DISP3: variants seen among roughly 807,000 people sequenced by gnomAD.
The protein encoded by DISP3 is dispatched RND transporter family member 3.
A neutral mutation model predicts 135.3 loss-of-function variants in DISP3; 101 were observed. That is an observed-to-expected ratio of 0.75 (90% CI 0.64 to 0.88). The LOEUF (loss-of-function observed/expected upper bound fraction) is 0.88. Among genes scored for constraint, DISP3 ranks in the 40% least tolerant of loss-of-function variants. DISP3 has a pLI of 0.00. For missense variants in DISP3, 1,713 were observed against 1,878.6 expected (o/e 0.91, Z 1.63); for synonymous variants, 856 against 817.0 (o/e 1.05, Z -0.81).
chr1:11,508,566 CA>C (rs780653964), intron 3 of DISP3, among the ~76,000 whole-genome samples: 18 of 151,938 alleles, frequency 1.2e-4, no homozygotes, highest in Non-Finnish European at 2.4e-4. Flanking sequence ...AGAAGCTTAT[CA>C]GTTTTATTGA....
In DISP3 at chr1:11,531,692, C is replaced by T. The variant is rs774307552; in HGVS notation, c.3357C>T (p.Ile1119=). 30 of 1,606,700 alleles carry T rather than the reference C, an allele frequency of 1.9e-5. No individual in the cohort carries two copies. Among genetic ancestry groups the T allele is most frequent in the Non-Finnish European group, 2.5e-5 (29 of 1,176,018 alleles). ...VGVREGRVQW[I]SMAFESTTYK... is the part of the protein sequence containing the mutation. ...TCAGGGAGGGCCGCGTGCAGTGGAT[C>T]TCCATGGCTTTCGAGTCGGTGAGCC... is the stretch of plus-strand genomic sequence containing the variant. Residue 1119 remains isoleucine, a synonymous_variant, in exon 17 of 21, where the codon ATC becomes ATT. Transcript: ENST00000294484. This position sits in a 1 kb window ranked among gnomAD's most constrained non-coding sequence, Gnocchi z 5.2.
rs914570631 is a variant in DISP3, at chr1:11,480,455, G to A, written c.-4+1083G>A. ...GCGCACACAATCCACGCAGACCCAC[G>A]GTTCACACGCACGTGGGCGGACAGA... On this transcript the variant is annotated intron_variant, in intron 1 of 20. Transcript: ENST00000294484. Among the ~76,000 whole-genome samples, 3 of 152,136 alleles carry A rather than the reference G, an allele frequency of 2.0e-5. No homozygotes were observed. The South Asian group carries it at 6.2e-4, about 32-fold the overall frequency.
At chr1:11,515,528 A>G in intron 5 of DISP3, 25 bp downstream of exon 5, 1 of 1,575,372 alleles carries the variant, frequency 6.3e-7, no homozygotes, top group Non-Finnish European at 8.6e-7. Flanking sequence ...TTGTCATGGC[A>G]GTGCGCCTCC....
At chr1:11,526,938 C>G (rs1364749839) in intron 13 of DISP3, 103 bp downstream of exon 13, 2 of 1,360,096 alleles carry the variant, frequency 1.5e-6, no homozygotes, top group Non-Finnish European at 1.9e-6. Context: ...CCAGCAGGCC[C>G]CCTCACTTTT....
At position 11,531,292 on chromosome 1, in the gene DISP3, C is replaced by T. The variant is rs535732469; in HGVS notation, c.3229+259C>T. ...TGTGTGTGGGATGGGGGCACATCTG[C>T]GGGAGTAGCTTTTCCAAAATTAGGG... On this transcript the variant is annotated intron_variant, in intron 16 of 20. Transcript: ENST00000294484. The surrounding 1 kb of genome is among the most constrained non-coding windows in gnomAD (Gnocchi z 5.2). 4.6e-5 allele frequency among the ~76,000 whole-genome samples: 7 copies of T among 152,202 alleles called. 1 individual carries two copies. In the South Asian group the frequency reaches 1.2e-3, roughly 27 times the overall value.
chr1:11,486,827 A>G (rs1201022480), intron 1 of DISP3, among the ~76,000 whole-genome samples: 1 of 152,058 alleles, frequency 6.6e-6, no homozygotes, highest in Non-Finnish European at 1.5e-5. Flanking sequence ...ACGGGTGCGC[A>G]TGACCACGCG....
chr1:11,518,420 C>T (rs1300388340), intron 7 of DISP3, among the ~76,000 whole-genome samples: 1 of 152,234 alleles, frequency 6.6e-6, no homozygotes, highest in Admixed American at 6.5e-5. Context: ...GTTGGCACTG[C>T]ACACAGGTGC....
intron 17 of DISP3, chr1:11,533,851 A>G (rs1642638742): frequency 2.8e-6 from 2 of 717,562 alleles, no homozygotes; most frequent in African/African-American, 1.7e-5. Flanking sequence ...TCTCTCATTC[A>G]TCATCCATGA....
intron 10 of DISP3, among the ~76,000 whole-genome samples, chr1:11,523,555 CAG>C (rs377237673): frequency 9.5e-4 from 121 of 126,758 alleles, no homozygotes; most frequent in East Asian, 3.4e-3. Context: ...CAGAGTGGCA[CAG>C]AGAGGGCGAG....
At chr1:11,522,603 C>G (rs113618979) in intron 10 of DISP3, among the ~76,000 whole-genome samples, 10 of 105,602 alleles carry the variant, frequency 9.5e-5, no homozygotes, top group South Asian at 3.0e-4. Context: ...AGGACCCAGC[C>G]AGAGCCCAGC....
chr1:11,535,649 G>T lies in DISP3; in HGVS notation c.3816+5G>T. On this transcript the variant is annotated splice_donor_5th_base_variant and intron_variant, in intron 20 of 20. Transcript: ENST00000294484. ...CTGCCCCCCCACCAGGCCGAGGTGC[G>T]CACCCTGCCCGCCTTACCCACTTCC... is the stretch of plus-strand genomic sequence containing the variant. 2 of 1,608,736 alleles carry T rather than the reference G, an allele frequency of 1.2e-6. No individual in the cohort carries two copies. The highest frequency in any genetic ancestry group is 8.5e-7 in the Non-Finnish European group (1 of 1,178,542).
intron 1 of DISP3, among the ~76,000 whole-genome samples, chr1:11,498,025 T>TG (rs1322800120): frequency 6.6e-6 from 1 of 152,168 alleles, no homozygotes; most frequent in Non-Finnish European, 1.5e-5. Flanking sequence ...TACCCGCCTG[T>TG]GGGGCTCTCA....
At position 11,536,522 on chromosome 1, in the gene DISP3, G is replaced by T. The variant is rs372266249; in HGVS notation, c.4015G>T (p.Ala1339Ser). The change falls in exon 21 of 21, where the codon GCC (alanine) becomes TCC (serine). Residue 1339 changes from alanine (A) to serine (S), a missense_variant. Physicochemically the swap from Ala to Ser is moderately conservative, Grantham distance 99. Around this residue, in one of 2 missense-constraint regions of DISP3, gnomAD observed 1,142 missense variants for 1,384.6 expected, o/e 0.82. Coordinates refer to ENST00000294484, the MANE Select transcript of DISP3 (RefSeq NM_020780.2). The surrounding 1 kb of genome is among the most constrained non-coding windows in gnomAD (Gnocchi z 4.3). ...SILYTLTVST[A>S]LLGIMAPSSF... The stretch of plus-strand genomic sequence containing the variant: ...CCTCTACACGCTGACCGTCAGCACC[G>T]CCCTGCTGGGCATCATGGCGCCCAG... 1 of 1,613,006 alleles carries T rather than the reference G, an allele frequency of 6.2e-7. No individual in the cohort carries two copies. The highest frequency in any genetic ancestry group is 8.5e-7 in the Non-Finnish European group (1 of 1,179,974).
chr1:11,535,632 C>T lies in DISP3; in HGVS notation c.3804C>T (p.Pro1268=), dbSNP rs1039143602. The T allele has an allele frequency of 1.2e-6, 2 of 1,612,148 alleles. No homozygotes were observed. Among genetic ancestry groups the T allele is most frequent in the Non-Finnish European group, 1.7e-6 (2 of 1,179,684 alleles). The change falls in exon 20 of 21, where the codon CCC becomes CCT. Residue 1268 remains proline, a synonymous_variant. Transcript: ENST00000294484. ...TGCTGGCTGGAGAGAACCTGCCCCC[C>T]CACCAGGCCGAGGTGCGCACCCTGC... ...GYLLAGENLP[P]HQAEDARTQR...
chr1:11,531,740 TG>T lies in DISP3; in HGVS notation c.3375+31del. The stretch of plus-strand genomic sequence containing the variant: ...GCCCAGGCAGCCTCACTGGGTGCCA[TG>T]CTGCGTACTTGCCCGGGGTGTGCCA... On this transcript the variant is annotated intron_variant, in intron 17 of 20. Coordinates refer to ENST00000294484, the MANE Select transcript of DISP3 (RefSeq NM_020780.2). This position sits in a 1 kb window ranked among gnomAD's most constrained non-coding sequence, Gnocchi z 5.2. The T allele has an allele frequency of 6.4e-7, 1 of 1,567,072 alleles. No homozygotes were observed. Among genetic ancestry groups the T allele is most frequent in the South Asian group, 1.2e-5 (1 of 82,688 alleles).
intron 3 of DISP3, among the ~76,000 whole-genome samples, chr1:11,503,202 A>G (rs1641602349): frequency 6.6e-6 from 1 of 152,178 alleles, no homozygotes; most frequent in Non-Finnish European, 1.5e-5. Context: ...TTCTGGAAAG[A>G]GTATTGGCCA....
chr1:11,504,927 G>T (rs1057104609), intron 3 of DISP3, among the ~76,000 whole-genome samples: 8 of 152,278 alleles, frequency 5.3e-5, no homozygotes, highest in African/African-American at 1.9e-4. Context: ...CTTAAGGGAG[G>T]CAGGAAAGAG....
intron 10 of DISP3, among the ~76,000 whole-genome samples, chr1:11,523,565 G>A (rs1309954101): frequency 1.5e-5 from 2 of 133,052 alleles, no homozygotes; most frequent in African/African-American, 2.9e-5. Flanking sequence ...CAGAGAGGGC[G>A]AGCAGGGGGC....
intron 11 of DISP3, 83 bp from the exon 12 acceptor site, chr1:11,525,093 G>C: frequency 6.5e-7 from 1 of 1,539,768 alleles, no homozygotes; most frequent in Non-Finnish European, 8.9e-7. Flanking sequence ...TTAGTCGACA[G>C]AGCTGAGGGT....
Sources: gnomAD v4.1 joint callset for allele counts (sites outside exome capture counted in the v4.1 genomes callset) on GRCh38, gnomAD v4.1.1 for gene constraint, gnomAD v4.1.1 regional missense constraint, Gnocchi (gnomAD v3.1) non-coding constraint, MANE v1.5 for transcripts, NCBI Gene and HGNC (gene_info 2026-07-23, HGNC 2026-07-21) for gene names.